HS6ST3: variants seen among roughly 807,000 people sequenced by gnomAD.
HS6ST3 encodes the protein heparan sulfate 6-O-sulfotransferase 3.
A neutral mutation model predicts 36.7 loss-of-function variants in HS6ST3; 12 were observed. The observed-to-expected ratio is 0.33, with a 90% CI of 0.21 to 0.53. The LOEUF is 0.53. Ranked by LOEUF, HS6ST3 falls within the 20% of genes least tolerant of loss-of-function variation. The pLI, the probability that HS6ST3 is intolerant of heterozygous loss-of-function variation, is 0.95. For synonymous variants in HS6ST3, 240 were observed against 257.5 expected, an observed-to-expected ratio of 0.93 and a Z score of 0.65; for missense variants, 584 against 640.9, an observed-to-expected ratio of 0.91 and a Z score of 0.96.
intron 1 of HS6ST3, among the ~76,000 whole-genome samples, chr13:96,388,425 G>A (rs2055379280): frequency 6.6e-6 from 1 of 152,144 alleles, no homozygotes; most frequent in Non-Finnish European, 1.5e-5. Context: ...AACTAGATGG[G>A]GTTATAAGGA....
chr13:96,518,305 T>G (rs56252231), intron 1 of HS6ST3, among the ~76,000 whole-genome samples: 2,475 of 152,318 alleles, frequency 0.016, 67 homozygotes, highest in African/African-American at 0.056. Context: ...TTATCTGTGT[T>G]AATGGGCATG....
chr13:96,825,246 G>A (rs1452109346), intron 1 of HS6ST3, among the ~76,000 whole-genome samples: 2 of 152,126 alleles, frequency 1.3e-5, no homozygotes, highest in East Asian at 3.9e-4. Flanking sequence ...CTTTGGATAG[G>A]CAAGTCATAG....
chr13:96,777,994 G>T (rs2138511957), intron 1 of HS6ST3, among the ~76,000 whole-genome samples: 1 of 152,224 alleles, frequency 6.6e-6, no homozygotes, highest in South Asian at 2.1e-4. Flanking sequence ...CAATGGAACA[G>T]AACAGAGGCC....
chr13:96,313,039 A>G (rs981306891), intron 1 of HS6ST3, among the ~76,000 whole-genome samples: 2 of 150,890 alleles, frequency 1.3e-5, no homozygotes, highest in East Asian at 1.9e-4. Flanking sequence ...CCTCTTTTTC[A>G]GTAAAAATAT....
chr13:96,148,439 T>C (rs1204157538), intron 1 of HS6ST3, among the ~76,000 whole-genome samples: 1 of 152,048 alleles, frequency 6.6e-6, no homozygotes, highest in Non-Finnish European at 1.5e-5. Context: ...GAGACAAAAA[T>C]AGAGACAGAG....
chr13:96,579,125 T>C (rs1021524388), intron 1 of HS6ST3, among the ~76,000 whole-genome samples: 3 of 152,154 alleles, frequency 2.0e-5, no homozygotes, highest in African/African-American at 7.2e-5. Flanking sequence ...AGATAGTATA[T>C]ATATATTTTA....
intron 1 of HS6ST3, among the ~76,000 whole-genome samples, chr13:96,453,713 A>G (rs2055741088): frequency 6.6e-6 from 1 of 152,214 alleles, no homozygotes. Context: ...AGAAAGCTTC[A>G]AAGTCACCAT....
chr13:96,433,991 G>T (rs1249400860), intron 1 of HS6ST3, among the ~76,000 whole-genome samples: 1 of 152,142 alleles, frequency 6.6e-6, no homozygotes, highest in African/African-American at 2.4e-5. Context: ...TCTTGGGTAT[G>T]TCTTTATGCA....
intron 1 of HS6ST3, among the ~76,000 whole-genome samples, chr13:96,356,750 C>T (rs1347249113): frequency 6.6e-6 from 1 of 152,182 alleles, no homozygotes; most frequent in Non-Finnish European, 1.5e-5. Context: ...GCATTGGTTT[C>T]ATTAAAGTCA....
intron 1 of HS6ST3, among the ~76,000 whole-genome samples, chr13:96,243,880 A>G (rs2054572716): frequency 1.3e-5 from 2 of 151,330 alleles, no homozygotes; most frequent in Admixed American, 6.6e-5. Flanking sequence ...AGTCCCTTAG[A>G]AACTTTTTCT....
chr13:96,700,852 C>T (rs373164439), intron 1 of HS6ST3, among the ~76,000 whole-genome samples: 35 of 152,286 alleles, frequency 2.3e-4, no homozygotes, highest in African/African-American at 8.2e-4. Context: ...GAATGATTCA[C>T]TCTTATCTCT....
intron 1 of HS6ST3, among the ~76,000 whole-genome samples, chr13:96,286,744 G>C (rs903770583): frequency 6.6e-6 from 1 of 152,076 alleles, no homozygotes; most frequent in Admixed American, 6.6e-5. Context: ...TGTTACCCTG[G>C]GAGTTGATTT....
intron 1 of HS6ST3, among the ~76,000 whole-genome samples, chr13:96,150,982 C>G (rs2054082148): frequency 6.6e-6 from 1 of 152,152 alleles, no homozygotes; most frequent in African/African-American, 2.4e-5. Context: ...CTATTTCCTT[C>G]TGGCATGTAG....
intron 1 of HS6ST3, among the ~76,000 whole-genome samples, chr13:96,493,268 A>C (rs1343382907): frequency 6.6e-6 from 1 of 152,172 alleles, no homozygotes; most frequent in East Asian, 1.9e-4. Flanking sequence ...TAATGATTCC[A>C]GGAACCTCTA....
chr13:96,589,130 T>C (rs994060561), intron 1 of HS6ST3, among the ~76,000 whole-genome samples: 25 of 152,088 alleles, frequency 1.6e-4, no homozygotes, highest in Admixed American at 1.4e-3. Flanking sequence ...TTTTAGTTCT[T>C]CATTAAATGT....
At chr13:96,716,476 A>G (rs1875698801) in intron 1 of HS6ST3, among the ~76,000 whole-genome samples, 1 of 152,206 alleles carries the variant, frequency 6.6e-6, no homozygotes, top group Non-Finnish European at 1.5e-5. Context: ...TATTTGATCT[A>G]GACTCACCAT....
intron 1 of HS6ST3, among the ~76,000 whole-genome samples, chr13:96,511,451 A>G (rs903515126): frequency 1.3e-5 from 2 of 152,076 alleles, no homozygotes; most frequent in African/African-American, 4.8e-5. Context: ...ATGGCTTCAA[A>G]GTAATGGATC....
At chr13:96,704,584 A>G (rs1218346073) in intron 1 of HS6ST3, among the ~76,000 whole-genome samples, 1 of 152,158 alleles carries the variant, frequency 6.6e-6, no homozygotes, top group Admixed American at 6.5e-5. Flanking sequence ...TGAGTTGGGT[A>G]CCCTGAGGCA....
intron 1 of HS6ST3, among the ~76,000 whole-genome samples, chr13:96,242,077 G>A (rs894872305): frequency 2.0e-5 from 3 of 151,980 alleles, no homozygotes; most frequent in East Asian, 1.9e-4. Flanking sequence ...GAGCCACCGC[G>A]CCTGGCCTGA....
Sources: gnomAD v4.1 joint callset for allele counts (sites outside exome capture counted in the v4.1 genomes callset) on GRCh38, gnomAD v4.1.1 for gene constraint, MANE v1.5 for transcripts, NCBI Gene and HGNC (gene_info 2026-07-23, HGNC 2026-07-21) for gene names.